The following LYPLAL1 variants were observed in gnomAD, a reference collection of about 807,000 sequenced individuals.
LYPLAL1 encodes the protein lysophospholipase like 1.
Under a neutral mutation model 19.7 loss-of-function variants are expected in LYPLAL1, and 23 were observed. The ratio of observed to expected loss-of-function variants is 1.17; its 90% confidence interval spans 0.84 to 1.65. The LOEUF is 1.65. LYPLAL1 is among the 40% of genes most tolerant of loss of function. The probability of loss-of-function intolerance (pLI) is 0.00; values close to 1 mark genes in which losing one functional copy is unlikely to be tolerated. For missense variants in LYPLAL1, 355 were observed against 279.4 expected, an observed-to-expected ratio of 1.27 and a Z score of -1.93; for synonymous variants, 119 against 96.3, an observed-to-expected ratio of 1.24 and a Z score of -1.38.
the LYPLAL1 span, chr1:219,271,825 GCAAT>G: frequency 1.3e-5 from 2 of 152,218 alleles, no homozygotes; most frequent in African/African-American, 4.8e-5. Flanking sequence ...GAAGAGATCA[GCAAT>G]CATTTTCCCC....
At chr1:219,308,105 G>T in the LYPLAL1 span, among the ~76,000 whole-genome samples, 1 of 152,182 alleles carries the variant, frequency 6.6e-6, no homozygotes, top group Admixed American at 6.5e-5. Flanking sequence ...GTTGTGAACT[G>T]GAGCAAAGGT....
chr1:219,302,081 A>G, the LYPLAL1 span, among the ~76,000 whole-genome samples: 1 of 152,324 alleles, frequency 6.6e-6, no homozygotes, highest in Admixed American at 6.5e-5. Flanking sequence ...CAGCATTGCC[A>G]GCAGTGTTAA....
chr1:219,183,815 T>C (rs1327997033), intron 2 of LYPLAL1, among the ~76,000 whole-genome samples: 1 of 151,914 alleles, frequency 6.6e-6, no homozygotes, highest in Admixed American at 6.6e-5. Flanking sequence ...CACAGTTTGT[T>C]TATTTATCTA....
At chr1:219,346,221 T>C in the LYPLAL1 span, among the ~76,000 whole-genome samples, 1 of 152,138 alleles carries the variant, frequency 6.6e-6, no homozygotes, top group Non-Finnish European at 1.5e-5. Flanking sequence ...ATTGAAAGTT[T>C]ATACAGCAAG....
chr1:219,345,923 T>A, the LYPLAL1 span, among the ~76,000 whole-genome samples: 1 of 152,220 alleles, frequency 6.6e-6, no homozygotes, highest in Non-Finnish European at 1.5e-5. Context: ...CCTTTATCCC[T>A]GTGATGTGTT....
chr1:219,227,673 C>T, the LYPLAL1 span, among the ~76,000 whole-genome samples: 716 of 152,150 alleles, frequency 4.7e-3, 8 homozygotes, highest in African/African-American at 0.016. Context: ...TGAAAAATGA[C>T]ATTTAAAAAA....
At chr1:219,424,955 AACTT>A in the LYPLAL1 span, among the ~76,000 whole-genome samples, 19 of 152,222 alleles carry the variant, frequency 1.2e-4, no homozygotes, top group Admixed American at 4.6e-4. Flanking sequence ...TATATTAACT[AACTT>A]AATCCGTACA....
At chr1:219,256,282 G>A in the LYPLAL1 span, among the ~76,000 whole-genome samples, 4 of 151,886 alleles carry the variant, frequency 2.6e-5, no homozygotes, top group Non-Finnish European at 5.9e-5. Flanking sequence ...TGCCAGGAAT[G>A]TGTGGTTTTC....
chr1:219,237,635 TTGTC>T, the LYPLAL1 span, among the ~76,000 whole-genome samples: 1 of 152,208 alleles, frequency 6.6e-6, no homozygotes, highest in African/African-American at 2.4e-5. Context: ...TGTCTAGTTT[TTGTC>T]TGTTTGTTGT....
chr1:219,199,019 A>C (rs553941641), intron 3 of LYPLAL1, among the ~76,000 whole-genome samples: 1 of 152,290 alleles, frequency 6.6e-6, no homozygotes, highest in South Asian at 2.1e-4. Flanking sequence ...TGAACATATG[A>C]ATGATGATTT....
the LYPLAL1 span, among the ~76,000 whole-genome samples, chr1:219,250,393 A>G: frequency 1.1e-4 from 16 of 151,978 alleles, no homozygotes; most frequent in Non-Finnish European, 2.4e-4. Context: ...CAAAGCATTA[A>G]TTAGTATCAT....
chr1:219,445,457 G>C, the LYPLAL1 span, among the ~76,000 whole-genome samples: 3 of 151,108 alleles, frequency 2.0e-5, no homozygotes, highest in East Asian at 3.9e-4. Context: ...AGTTGTAAGA[G>C]AAAAAAGGTG....
chr1:219,184,050 A>G (rs534437725), intron 2 of LYPLAL1, among the ~76,000 whole-genome samples: 1 of 151,968 alleles, frequency 6.6e-6, no homozygotes, highest in Admixed American at 6.6e-5. Flanking sequence ...TGTTACTTGC[A>G]TTTACGTGTA....
the LYPLAL1 span, among the ~76,000 whole-genome samples, chr1:219,311,461 C>T: frequency 6.6e-6 from 1 of 151,998 alleles, no homozygotes; most frequent in African/African-American, 2.4e-5. Flanking sequence ...GCATTATTCC[C>T]CCCATACCAA....
the LYPLAL1 span, among the ~76,000 whole-genome samples, chr1:219,304,971 C>T: frequency 6.6e-6 from 1 of 152,222 alleles, no homozygotes; most frequent in Non-Finnish European, 1.5e-5. Flanking sequence ...GAGAAACATT[C>T]TGAGAACTTG....
At chr1:219,267,914 A>G in the LYPLAL1 span, among the ~76,000 whole-genome samples, 1 of 152,200 alleles carries the variant, frequency 6.6e-6, no homozygotes, top group African/African-American at 2.4e-5. Flanking sequence ...CCCGAAATCT[A>G]TTTTAACAGG....
the LYPLAL1 span, among the ~76,000 whole-genome samples, chr1:219,223,393 T>C: frequency 6.6e-6 from 1 of 152,202 alleles, no homozygotes; most frequent in Admixed American, 6.5e-5. Flanking sequence ...ATAATCCTCC[T>C]GCAAAACCTT....
chr1:219,281,181 A>G, the LYPLAL1 span, among the ~76,000 whole-genome samples: 3 of 152,244 alleles, frequency 2.0e-5, no homozygotes, highest in Non-Finnish European at 4.4e-5. Context: ...AGTTTGATTC[A>G]TAGAACACTA....
chr1:219,426,338 T>C, the LYPLAL1 span, among the ~76,000 whole-genome samples: 15 of 152,202 alleles, frequency 9.9e-5, no homozygotes, highest in African/African-American at 3.6e-4. Context: ...CTCTCAGTGT[T>C]ATTGGCTTTC....
Sources: gnomAD v4.1 joint callset for allele counts (sites outside exome capture counted in the v4.1 genomes callset) on GRCh38, gnomAD v4.1.1 for gene constraint, MANE v1.5 for transcripts, NCBI Gene and HGNC (gene_info 2026-07-23, HGNC 2026-07-21) for gene names.